Variants in CDKL3 observed in about 807,000 individuals in gnomAD.
CDKL3 encodes the protein cyclin-dependent kinase-like 3.
Under a neutral mutation model 69.3 loss-of-function variants are expected in CDKL3, and 65 were observed. The ratio of observed to expected loss-of-function variants is 0.94; its 90% CI spans 0.77 to 1.15. The LOEUF is 1.15. Ranked by LOEUF, CDKL3 falls within the 50% of genes most tolerant of loss-of-function variation. CDKL3 has a pLI of 0.00. For synonymous variants in CDKL3, 202 were observed against 221.6 expected, an observed-to-expected ratio of 0.91 and a Z score of 0.79; for missense variants, 652 against 689.2, an observed-to-expected ratio of 0.95 and a Z score of 0.61.
chr5:134,295,877 C>A (rs989907682), downstream of CDKL3, among the ~76,000 whole-genome samples: 3 of 152,018 alleles, frequency 2.0e-5, no homozygotes, highest in African/African-American at 7.2e-5. Context: ...AACTAGGAAA[C>A]TAGAAGAATG....
chr5:134,359,925 C>T lies in CDKL3; in HGVS notation c.332G>A (p.Arg111Gln), dbSNP rs764027316. Reference sequence around the variant, plus strand: ...ATTACTGTGAAGATAGTCAATTGCTCGAAGGATCTGGAAGAGGTATTTTCT... The same window carrying T: ...ATTACTGTGAAGATAGTCAATTGCTTGAAGGATCTGGAAGAGGTATTTTCT... Reference protein sequence around the residue: ...RLRKYLFQILRAIDYLHSNNI... With the variant: ...RLRKYLFQILQAIDYLHSNNI... Residue 111 changes from arginine to glutamine, a missense_variant, in exon 3 of 13, where the codon CGA becomes CAA. Transcript: ENST00000265334. The T allele has an allele frequency of 1.6e-5, 26 of 1,585,378 alleles. No homozygotes were observed. The highest frequency in any genetic ancestry group is 9.0e-5 in the Admixed American group (5 of 55,264).
chr5:134,362,782 A>G (rs1756365937), intron 2 of CDKL3, among the ~76,000 whole-genome samples: 1 of 151,912 alleles, frequency 6.6e-6, no homozygotes, highest in Admixed American at 6.6e-5. Context: ...TACAAAAATT[A>G]GCTGGGCGTG....
At chr5:134,354,749 C>G (rs1754147120) in intron 3 of CDKL3, among the ~76,000 whole-genome samples, 1 of 151,944 alleles carries the variant, frequency 6.6e-6, no homozygotes, top group Non-Finnish European at 1.5e-5. Flanking sequence ...GAGATCGAGA[C>G]CATCCTGGCC....
intron 10 of CDKL3, among the ~76,000 whole-genome samples, chr5:134,306,331 C>CA (rs984748879): frequency 3.3e-5 from 5 of 151,796 alleles, no homozygotes; most frequent in African/African-American, 1.2e-4. Flanking sequence ...TTTGTCGCTA[C>CA]AAAAAAATGA....
intron 4 of CDKL3, among the ~76,000 whole-genome samples, chr5:134,336,155 T>C (rs1219776809): frequency 6.6e-6 from 1 of 152,204 alleles, no homozygotes; most frequent in African/African-American, 2.4e-5. Flanking sequence ...TTTTTCGTAC[T>C]GTGGTTTTCA....
At chr5:134,299,731 G>A in intron 12 of CDKL3, 1 of 1,533,760 alleles carries the variant, frequency 6.5e-7, no homozygotes, top group Non-Finnish European at 8.7e-7. Context: ...CTTCCTTTCA[G>A]TTTGTGCATT....
rs549553515 is a variant in CDKL3, at chr5:134,334,046, T to C, written c.540-12143A>G. On this transcript the variant is annotated intron_variant, in intron 4 of 12. Coordinates refer to ENST00000265334, the MANE Select transcript of CDKL3 (RefSeq NM_001113575.2). ...TTCCTGGTTTAGTCTTGGGAGAGTG[T>C]ATATGTCCAGGAATTTATCCATTTC... Among the ~76,000 whole-genome samples the C allele has an allele frequency of 1.3e-4, 20 of 152,328 alleles. 1 individual carries two copies. Among genetic ancestry groups the C allele is most frequent in the Admixed American group, 7.2e-4 (11 of 15,296 alleles).
intron 4 of CDKL3, among the ~76,000 whole-genome samples, 178 bp downstream of exon 4, chr5:134,350,071 C>T (rs914924696): frequency 1.8e-4 from 27 of 152,092 alleles, no homozygotes; most frequent in African/African-American, 6.3e-4. Flanking sequence ...ACCTGTAGTC[C>T]CAACTACTTG....
downstream of CDKL3, among the ~76,000 whole-genome samples, chr5:134,284,430 C>A: frequency 6.6e-6 from 1 of 152,174 alleles, no homozygotes; most frequent in Non-Finnish European, 1.5e-5. Flanking sequence ...ATCACAAGGG[C>A]AGAGAGGCAG....
chr5:134,326,263 G>T (rs1268120911), intron 4 of CDKL3, among the ~76,000 whole-genome samples: 1 of 152,032 alleles, frequency 6.6e-6, no homozygotes, highest in African/African-American at 2.4e-5. Flanking sequence ...ATCTAGGCAG[G>T]CCTTTCAAAG....
chr5:134,308,077 T>G, intron 9 of CDKL3, 61 bp downstream of exon 9: 1 of 1,506,456 alleles, frequency 6.6e-7, no homozygotes. Flanking sequence ...AACACGATTC[T>G]TTGAAATACC....
rs369895630 is a variant in CDKL3 at position 134,324,886 on chromosome 5, C to T, written c.540-2983G>A. 7.2e-5 allele frequency among the ~76,000 whole-genome samples: 11 copies of T among 152,258 alleles called. No individual in the cohort carries two copies. The East Asian group carries it at 2.1e-3, about 29-fold the overall frequency. ...TGGTACATCAATTGTAACAAATGTA[C>T]CACACTAATACAAGATGTTAGTAAT... On this transcript the variant is annotated intron_variant, in intron 4 of 12. Coordinates refer to ENST00000265334, the MANE Select transcript of CDKL3 (RefSeq NM_001113575.2).
intron 4 of CDKL3, among the ~76,000 whole-genome samples, chr5:134,335,389 T>A (rs1776845237): frequency 6.6e-6 from 1 of 152,162 alleles, no homozygotes; most frequent in African/African-American, 2.4e-5. Context: ...TTATTTTGAC[T>A]GTTAATTGAT....
upstream of CDKL3, chr5:134,371,520 G>A: frequency 6.4e-7 from 1 of 1,559,304 alleles, no homozygotes; most frequent in Non-Finnish European, 8.7e-7. Flanking sequence ...ACAGTGATTC[G>A]GCCGCCGCGC....
intron 9 of CDKL3, among the ~76,000 whole-genome samples, chr5:134,307,036 C>T (rs577961287): frequency 1.1e-4 from 17 of 152,094 alleles, no homozygotes; most frequent in Admixed American, 7.2e-4. Flanking sequence ...ATTACAGGCA[C>T]GAGCCACCAT....
At chr5:134,341,710 T>C (rs970891903) in intron 4 of CDKL3, among the ~76,000 whole-genome samples, 3 of 152,244 alleles carry the variant, frequency 2.0e-5, no homozygotes, top group Non-Finnish European at 4.4e-5. Flanking sequence ...GGACTAAGCA[T>C]GTTCAAAATG....
intron 12 of CDKL3, 51 bp downstream of exon 12, chr5:134,302,539 A>C: frequency 1.1e-6 from 1 of 908,554 alleles, no homozygotes; most frequent in Non-Finnish European, 1.7e-6. Flanking sequence ...ACACTGAGTC[A>C]AGTCCTCTAA....
intron 8 of CDKL3, among the ~76,000 whole-genome samples, chr5:134,288,564 A>G (rs1408611989): frequency 6.6e-6 from 1 of 152,248 alleles, no homozygotes; most frequent in Non-Finnish European, 1.5e-5. Context: ...GTATGCAACA[A>G]GAGTAGAGGA....
Position 134,308,434 on chromosome 5 carries a change from G to C in CDKL3, c.1068C>G (p.Ile356Met). 1 of 1,612,044 alleles carries C rather than the reference G, an allele frequency of 6.2e-7. No homozygotes were observed. Among genetic ancestry groups the C allele is most frequent in the Admixed American group, 1.7e-5 (1 of 59,878 alleles). The change falls in exon 9 of 13, where the codon ATC (isoleucine) becomes ATG (methionine). Residue 356 changes from isoleucine to methionine, a missense_variant. By Grantham distance (10) the Ile-to-Met change is conservative. Transcript: ENST00000265334. ...EIEKEKKPKE[I>M]KVRVIKVKGG... is the part of the protein sequence containing the mutation. The stretch of plus-strand genomic sequence containing the variant: ...CTTTGACTTTAATAACTCTGACTTT[G>C]ATCTCCTTGGGCTTTTTCTCTTTTT...
Sources: allele counts gnomAD v4.1 joint callset (sites outside exome capture counted in the v4.1 genomes callset), GRCh38; gene constraint gnomAD v4.1.1; transcripts MANE v1.5; gene names NCBI Gene and HGNC (gene_info 2026-07-23, HGNC 2026-07-21).